PCDH7: variants seen among roughly 807,000 people sequenced by gnomAD.
PCDH7 encodes the protein protocadherin 7, also known as protocadherin-7.
PCDH7 carries 17 observed loss-of-function variants against 58.9 expected under a neutral mutation model. The observed-to-expected ratio is 0.29, with a 90% CI of 0.20 to 0.43. The LOEUF (loss-of-function observed/expected upper bound fraction) is 0.43. Among genes scored for constraint, PCDH7 ranks in the 20% least tolerant of loss-of-function variants. The pLI, the probability that PCDH7 is intolerant of heterozygous loss-of-function variation, is 1.00. For missense variants in PCDH7, 1,274 were observed against 1,441.0 expected (o/e 0.88, Z 1.88); for synonymous variants, 664 against 616.4 (o/e 1.08, Z -1.14).
intron 3 of PCDH7, among the ~76,000 whole-genome samples, chr4:31,042,936 G>T (rs1461976041): frequency 6.6e-6 from 1 of 152,074 alleles, no homozygotes; most frequent in African/African-American, 2.4e-5. Context: ...CCTTTTGCTG[G>T]TGCAGAGTCC....
chr4:30,847,454 C>T (rs140948458), intron 1 of PCDH7, among the ~76,000 whole-genome samples: 212 of 152,260 alleles, frequency 1.4e-3, no homozygotes, highest in African/African-American at 4.2e-3. Flanking sequence ...TGTGAAGGAA[C>T]TGTTGCCCAC....
intron 3 of PCDH7, among the ~76,000 whole-genome samples, chr4:31,132,660 TA>T (rs1719131679): frequency 6.6e-6 from 1 of 152,184 alleles, no homozygotes; most frequent in African/African-American, 2.4e-5. Flanking sequence ...CACTTTCTAG[TA>T]AAATCATTAT....
chr4:30,776,398 T>C (rs6810526), intron 1 of PCDH7: 1 of 152,068 alleles, frequency 6.6e-6, no homozygotes, highest in African/African-American at 2.4e-5. Flanking sequence ...TGCTAGGAAG[T>C]GACAACTTTG....
In PCDH7 at chr4:31,002,268, G is replaced by C. The variant is rs145405781; in HGVS notation, c.*7+52053G>C. On this transcript the variant is annotated intron_variant, in intron 3 of 3. Transcript: ENST00000509759. ...GCCTTTCAAAGGGATAAAATGATAA[G>C]CACTCAGGCACCATGGTTTCACCAG... Among the ~76,000 whole-genome samples, 20 of 152,282 alleles carry C rather than the reference G, an allele frequency of 1.3e-4. No individual in the cohort carries two copies. The South Asian group carries it at 4.1e-3, about 32-fold the overall frequency.
intron 1 of PCDH7, among the ~76,000 whole-genome samples, chr4:30,798,771 G>A (rs1194846696): frequency 6.6e-6 from 1 of 152,120 alleles, no homozygotes; most frequent in Non-Finnish European, 1.5e-5. Context: ...ACGAATCCAT[G>A]GCCTCTCATT....
At chr4:30,782,416 A>G (rs553022655) in intron 1 of PCDH7, among the ~76,000 whole-genome samples, 11 of 152,350 alleles carry the variant, frequency 7.2e-5, no homozygotes, top group African/African-American at 2.4e-4. Flanking sequence ...TTCTGTTTCA[A>G]GTGTAAAATG....
intron 3 of PCDH7, among the ~76,000 whole-genome samples, chr4:31,002,616 A>AG (rs1453359034): frequency 5.3e-5 from 8 of 152,204 alleles, no homozygotes; most frequent in African/African-American, 1.9e-4. Context: ...AAATAACAAA[A>AG]TTTCAGTAAA....
rs576054321 is a variant in PCDH7, at chr4:30,891,738, A to G, written c.71-28415A>G. Among the ~76,000 whole-genome samples the G allele has an allele frequency of 3.3e-5, 5 of 151,220 alleles. No individual in the cohort carries two copies. In the East Asian group the frequency reaches 5.9e-4, roughly 18 times the overall value. ...AAACTGCTAGTTAATTACATGTTGC[A>G]ACTAACTGGTTGATTCTCTGAGGGT... On this transcript the variant is annotated intron_variant, in intron 1 of 3. Transcript: ENST00000509759.
At chr4:31,103,086 G>A (rs1466326752) in intron 3 of PCDH7, among the ~76,000 whole-genome samples, 1 of 152,062 alleles carries the variant, frequency 6.6e-6, no homozygotes, top group Non-Finnish European at 1.5e-5. Context: ...CCATTTTCTG[G>A]TCAAATATTT....
chr4:30,817,438 A>G (rs1214839065), intron 1 of PCDH7, among the ~76,000 whole-genome samples: 1 of 152,212 alleles, frequency 6.6e-6, no homozygotes, highest in African/African-American at 2.4e-5. Context: ...AGGCTGTGTT[A>G]TGCATGAAAC....
intron 1 of PCDH7, among the ~76,000 whole-genome samples, chr4:30,917,345 C>T (rs139418474): frequency 3.9e-5 from 6 of 152,002 alleles, no homozygotes; most frequent in Admixed American, 6.6e-5. Context: ...AATACTTGGC[C>T]ACAAAAAATT....
intron 3 of PCDH7, among the ~76,000 whole-genome samples, chr4:31,021,379 G>T (rs1436138084): frequency 1.3e-5 from 2 of 152,150 alleles, no homozygotes; most frequent in Admixed American, 1.3e-4. Context: ...TGGAGGAATT[G>T]TCTCGACCAA....
At chr4:31,099,320 A>G (rs774641334) in intron 3 of PCDH7, among the ~76,000 whole-genome samples, 7 of 152,198 alleles carry the variant, frequency 4.6e-5, no homozygotes, top group Non-Finnish European at 8.8e-5. Flanking sequence ...TTATACAAGC[A>G]GCATATACAG....
In PCDH7 at chr4:30,764,927, G is replaced by A. The variant is rs111929048; in HGVS notation, c.70+40331G>A. Among the ~76,000 whole-genome samples the A allele has an allele frequency of 5.0e-3, 766 of 151,992 alleles. 6 individuals are homozygous for A. The highest frequency in any genetic ancestry group is 0.017 in the African/African-American group (717 of 41,450). On this transcript the variant is annotated intron_variant, in intron 1 of 3. Coordinates refer to the PCDH7 transcript ENST00000509759. ...CTAGAGACGAGGTTTCACCACGTTGGTCAGGATGGTCTCTATCTCCTGACG... is the reference window on the plus strand; with the variant it reads ...CTAGAGACGAGGTTTCACCACGTTGATCAGGATGGTCTCTATCTCCTGACG...
At chr4:30,751,980 G>A (rs1376806095) in intron 1 of PCDH7, among the ~76,000 whole-genome samples, 1 of 152,024 alleles carries the variant, frequency 6.6e-6, no homozygotes, top group African/African-American at 2.4e-5. Context: ...GGTTTTTAGG[G>A]TAGAATAAGA....
At chr4:30,962,749 C>T (rs1276925090) in intron 3 of PCDH7, among the ~76,000 whole-genome samples, 1 of 133,542 alleles carries the variant, frequency 7.5e-6, no homozygotes, top group Non-Finnish European at 1.5e-5. Flanking sequence ...GCCACTGCAG[C>T]CTGGGGGTCA....
At chr4:30,892,569 C>A (rs949110826) in intron 1 of PCDH7, among the ~76,000 whole-genome samples, 1 of 151,894 alleles carries the variant, frequency 6.6e-6, no homozygotes, top group African/African-American at 2.4e-5. Flanking sequence ...AAAGTGGAGC[C>A]TTTTTCATGC....
chr4:30,969,151 A>C (rs1749316051), intron 3 of PCDH7, among the ~76,000 whole-genome samples: 1 of 152,164 alleles, frequency 6.6e-6, no homozygotes, highest in African/African-American at 2.4e-5. Context: ...ACCTAGACTT[A>C]CTGGTTATTT....
At chr4:30,933,488 ATTGT>A (rs1410176864) in intron 2 of PCDH7, among the ~76,000 whole-genome samples, 1 of 152,048 alleles carries the variant, frequency 6.6e-6, no homozygotes. Context: ...GCTTGTTGTT[ATTGT>A]TTGTTTGTTT....
Sources: allele counts gnomAD v4.1 joint callset (sites outside exome capture counted in the v4.1 genomes callset), GRCh38; gene constraint gnomAD v4.1.1; transcripts MANE v1.5; gene names NCBI Gene and HGNC (gene_info 2026-07-23, HGNC 2026-07-21).